Variants in RGS22 observed in about 807,000 individuals in gnomAD.
RGS22 encodes regulator of G-protein signaling 22.
In RGS22, 148 loss-of-function variants were observed where a neutral mutation model predicts 172.9. The ratio of observed to expected loss-of-function variants is 0.86; its 90% CI spans 0.75 to 0.98. RGS22 has a LOEUF of 0.98. RGS22 is among the 50% of genes least tolerant of loss of function. RGS22 has a pLI of 0.00. For missense variants in RGS22, 1,347 were observed against 1,440.8 expected (o/e 0.93, Z 1.05); for synonymous variants, 458 against 480.2 (o/e 0.95, Z 0.60).
Position 100,071,379 on chromosome 8 carries a change from G to C in RGS22, c.584C>G (p.Ser195Ter), listed in dbSNP as rs1359532628. The C allele has an allele frequency of 6.2e-7, 1 of 1,607,068 alleles. No individual in the cohort carries two copies. The stretch of plus-strand genomic sequence containing the variant: ...TGCTCATACTTTTACCTCACCAAGT[G>C]ATACATAGAACTTTTTCATAATTAC... ...NLVIMKKFYV[S>*]LGEASYTQTK... The change falls in exon 6 of 28, where the codon TCA (serine) becomes TGA (stop). Residue 195 changes from serine (S) to a stop codon, truncating the protein, a stop_gained. Coordinates refer to ENST00000360863, the MANE Select transcript of RGS22 (RefSeq NM_015668.5). LOFTEE classifies it high-confidence loss of function.
chr8:99,994,099 T>C (rs1740597863), intron 20 of RGS22, among the ~76,000 whole-genome samples: 1 of 152,174 alleles, frequency 6.6e-6, no homozygotes, highest in Admixed American at 6.5e-5. Context: ...AAACTAGGTA[T>C]TGATGGAACA....
chr8:100,105,785 T>C lies in RGS22; in HGVS notation c.25+112A>G, dbSNP rs538339091. On this transcript the variant is annotated intron_variant, in intron 1 of 27. Transcript: ENST00000360863. ...GGCAGTGAAGCCCTTTTTTCTCATGTCTGGGAGCGGGGATACCGCTAGGAG... is the reference window on the plus strand; with the variant it reads ...GGCAGTGAAGCCCTTTTTTCTCATGCCTGGGAGCGGGGATACCGCTAGGAG... 1.1e-4 allele frequency: 106 copies of C among 948,476 alleles called. 2 individuals are homozygous for C. The East Asian group carries it at 3.3e-3, about 29-fold the overall frequency. 58.8% of individuals were successfully genotyped at this position (948,476 alleles called of 1,614,324 possible).
intron 10 of RGS22, among the ~76,000 whole-genome samples, chr8:100,051,451 TTATATTATATATAAATA>T (rs1563668869): frequency 1.4e-5 from 1 of 70,922 alleles, no homozygotes; most frequent in African/African-American, 7.2e-5. Context: ...TTTATTTATA[TTATATTATATATAAATA>T]TATATTATAT....
In RGS22 at chr8:99,987,579, A is replaced by G. The variant is rs1199873494; in HGVS notation, c.3059T>C (p.Ile1020Thr). The G allele has an allele frequency of 1.9e-6, 3 of 1,610,102 alleles. No homozygotes were observed. The highest frequency in any genetic ancestry group is 2.5e-6 in the Non-Finnish European group (3 of 1,178,282). The change falls in exon 21 of 28, where the codon ATT becomes ACT. Residue 1020 changes from isoleucine (I) to threonine (T), a missense_variant. Ile to Thr is a moderately conservative substitution (Grantham distance 89, BLOSUM62 -1). Transcript: ENST00000360863. ...SKWISSSCKI[I>T]AFRKALLNPV... The stretch of plus-strand genomic sequence containing the variant: ...ATTCAATAATGCTTTGCGAAAAGCA[A>G]TGATTTTACAAGATGAAGAGATCCA...
At chr8:99,966,133 C>G (rs1319627293) in intron 23 of RGS22, among the ~76,000 whole-genome samples, 5 of 152,098 alleles carry the variant, frequency 3.3e-5, no homozygotes, top group Admixed American at 2.6e-4. Flanking sequence ...ATTTAATTAA[C>G]AACACTCATT....
rs956197053 is a variant in RGS22, at chr8:100,056,993, G to A, written c.1515-4017C>T. On this transcript the variant is annotated intron_variant, in intron 9 of 27. Transcript: ENST00000360863. ...TCAATGCCAGCCCATGAAGGCAGTCGGGAGGGAGGCCATACACTGCAAAGC... is the reference window on the plus strand; with the variant it reads ...TCAATGCCAGCCCATGAAGGCAGTCAGGAGGGAGGCCATACACTGCAAAGC... Among the ~76,000 whole-genome samples the A allele has an allele frequency of 3.3e-5, 5 of 152,172 alleles. No homozygotes were observed. In the South Asian group the frequency reaches 6.2e-4, roughly 19 times the overall value.
chr8:99,962,358 T>C, intron 27 of RGS22, 36 bp downstream of exon 27: 2 of 1,355,350 alleles, frequency 1.5e-6, no homozygotes, highest in South Asian at 2.4e-5. Flanking sequence ...TACGAGGACA[T>C]GTGTGGGACC....
chr8:100,005,454 A>G (rs968021980), intron 16 of RGS22, among the ~76,000 whole-genome samples: 1 of 152,144 alleles, frequency 6.6e-6, no homozygotes, highest in African/African-American at 2.4e-5. Flanking sequence ...TAGATGCACA[A>G]ATTTAATTTT....
chr8:100,085,633 T>G (rs1219535764), intron 3 of RGS22, among the ~76,000 whole-genome samples: 1 of 152,232 alleles, frequency 6.6e-6, no homozygotes, highest in Admixed American at 6.5e-5. Flanking sequence ...GACTTGTGTT[T>G]AAAGCTCATG....
intron 6 of RGS22, among the ~76,000 whole-genome samples, chr8:100,070,983 C>A (rs1169121700): frequency 2.0e-5 from 3 of 149,936 alleles, no homozygotes; most frequent in Non-Finnish European, 4.4e-5. Context: ...AATACAAATG[C>A]TTTAAATGAG....
At chr8:99,992,152 GCA>G (rs1813810692) in intron 20 of RGS22, among the ~76,000 whole-genome samples, 1 of 151,990 alleles carries the variant, frequency 6.6e-6, no homozygotes, top group Non-Finnish European at 1.5e-5. Context: ...GTACCAGCCA[GCA>G]CAAAAACATG....
At chr8:100,027,773 A>G (rs758793852) in intron 14 of RGS22, among the ~76,000 whole-genome samples, 20 of 152,116 alleles carry the variant, frequency 1.3e-4, no homozygotes, top group Non-Finnish European at 2.4e-4. Context: ...ATGAGCCATC[A>G]CGCCTGGCCT....
At chr8:99,979,677 C>T (rs1257765993) in intron 22 of RGS22, among the ~76,000 whole-genome samples, 1 of 152,160 alleles carries the variant, frequency 6.6e-6, no homozygotes. Flanking sequence ...AGCCCTTCTG[C>T]TCAACTTTGC....
rs765157044 is a variant in RGS22 at position 100,013,114 on chromosome 8, C to T, written c.2167-4545G>A. ...ATGCCATTCTCCTGCTTCAGCCTCC[C>T]GAGTAGCTGGGACTACAGGTGTCCA... is the stretch of plus-strand genomic sequence containing the variant. On this transcript the variant is annotated intron_variant, in intron 14 of 27. Coordinates refer to ENST00000360863, the MANE Select transcript of RGS22 (RefSeq NM_015668.5). Among the ~76,000 whole-genome samples, 41 of 151,854 alleles carry T rather than the reference C, an allele frequency of 2.7e-4. 1 individual carries two copies. The highest frequency in any genetic ancestry group is 4.0e-4 in the Non-Finnish European group (27 of 67,940).
chr8:100,030,678 T>TA (rs1281015560), intron 14 of RGS22, among the ~76,000 whole-genome samples: 6 of 152,194 alleles, frequency 3.9e-5, no homozygotes, highest in Admixed American at 2.0e-4. Context: ...GAGAAGAAAC[T>TA]GTCAACCTAG....
chr8:100,019,871 C>G (rs1817411146), intron 14 of RGS22, among the ~76,000 whole-genome samples: 1 of 150,618 alleles, frequency 6.6e-6, no homozygotes, highest in Non-Finnish European at 1.5e-5. Flanking sequence ...AAACCATCTG[C>G]TGTTGCAAAA....
intron 14 of RGS22, among the ~76,000 whole-genome samples, chr8:100,026,057 C>A (rs1818142272): frequency 6.6e-6 from 1 of 151,662 alleles, no homozygotes; most frequent in Non-Finnish European, 1.5e-5. Context: ...GTGGAAATAG[C>A]AATAACATGT....
In RGS22 at chr8:100,059,803, G is replaced by C. The variant is rs1809963238; in HGVS notation, c.1514+2788C>G. ...CATTGTGATATTGTACTATAGTTAT[G>C]CAAGATGTTACCATTGGGGAAAAAT... On this transcript the variant is annotated intron_variant, in intron 9 of 27. Coordinates refer to ENST00000360863, the MANE Select transcript of RGS22 (RefSeq NM_015668.5). Among the ~76,000 whole-genome samples the C allele has an allele frequency of 2.0e-5, 3 of 152,136 alleles. No individual in the cohort carries two copies. The South Asian group carries it at 6.2e-4, about 32-fold the overall frequency.
At chr8:100,089,003 A>G (rs997704708) in intron 3 of RGS22, among the ~76,000 whole-genome samples, 2 of 152,062 alleles carry the variant, frequency 1.3e-5, no homozygotes, top group East Asian at 3.9e-4. Context: ...AGGATCTTAC[A>G]TGGAAGATGT....
Sources: gnomAD v4.1 joint callset for allele counts (sites outside exome capture counted in the v4.1 genomes callset) on GRCh38, gnomAD v4.1.1 for gene constraint, MANE v1.5 for transcripts, NCBI Gene and HGNC (gene_info 2026-07-23, HGNC 2026-07-21) for gene names.